The following TANGO6 variants were observed in gnomAD, a reference collection of about 807,000 sequenced individuals.
TANGO6 encodes the protein transport and Golgi organization protein 6 homolog.
A neutral mutation model predicts 114.2 loss-of-function variants in TANGO6; 90 were observed. The observed-to-expected ratio is 0.79, with a 90% CI of 0.66 to 0.94. TANGO6 has a LOEUF of 0.94. TANGO6 is among the 40% of genes least tolerant of loss of function. The pLI is 0.00. For missense variants in TANGO6, 1,274 were observed against 1,315.3 expected, an observed-to-expected ratio of 0.97 and a Z score of 0.49; for synonymous variants, 477 against 509.8, an observed-to-expected ratio of 0.94 and a Z score of 0.87.
At chr16:68,906,975 A>G (rs1181248283) in intron 9 of TANGO6, among the ~76,000 whole-genome samples, 1 of 151,656 alleles carries the variant, frequency 6.6e-6, no homozygotes, top group Admixed American at 6.6e-5. Context: ...TGTATTTTTT[A>G]GTAGAGACGG....
In TANGO6 at chr16:68,926,322, C is replaced by T. The variant is rs147548815; in HGVS notation, c.2128-1246C>T. On this transcript the variant is annotated intron_variant, in intron 12 of 17. Coordinates refer to ENST00000261778, the MANE Select transcript of TANGO6 (RefSeq NM_024562.2). ...CAGCCTGGCCAACATGGTGAAACCC[C>T]GTTTCTACTAAACTATAAAAAATTA... Among the ~76,000 whole-genome samples, 1,408 of 151,674 alleles carry T rather than the reference C, an allele frequency of 9.3e-3. 20 individuals carry two copies. The highest frequency in any genetic ancestry group is 0.031 in the African/African-American group (1,291 of 41,406).
At chr16:69,065,353 C>T (rs962710285) in intron 17 of TANGO6, among the ~76,000 whole-genome samples, 4 of 152,200 alleles carry the variant, frequency 2.6e-5, no homozygotes, top group African/African-American at 9.7e-5. Context: ...GACTCCTGAG[C>T]TATCATCCCT....
rs866699047 is a variant in TANGO6 at position 68,915,000 on chromosome 16, C to T, written c.1993-4085C>T. Among the ~76,000 whole-genome samples the T allele has an allele frequency of 5.0e-5, 7 of 138,906 alleles. No homozygotes were observed. In the South Asian group the frequency reaches 6.9e-4, roughly 14 times the overall value. 91.1% of individuals were successfully genotyped at this position (138,906 alleles called of 152,430 possible). A position where few individuals can be genotyped will look rare whatever the true frequency, so the allele number is the denominator to read the frequency against. On this transcript the variant is annotated intron_variant, in intron 11 of 17. Transcript: ENST00000261778. ...ACACACACACACACACACACACACA[C>T]ATATAGATAGTGGAGGATGGGCGCA...
At position 69,076,087 on chromosome 16, in the gene TANGO6, TC is replaced by T. The variant is rs1473984583; in HGVS notation, c.3109-7397del. 2.8e-4 allele frequency among the ~76,000 whole-genome samples: 30 copies of T among 108,672 alleles called. No individual in the cohort carries two copies. In the South Asian group the frequency reaches 4.8e-3, roughly 17 times the overall value. The allele number at this position is 108,672 out of a possible 152,430, so 71.3% of individuals were successfully genotyped here. A position where few individuals can be genotyped will look rare whatever the true frequency, so the allele number is the denominator to read the frequency against. ...CTGAATTCAACATTTTTATTTCATTTCTTTTTTTTTTTTTTTTTTTTTGAGA... is the reference window on the plus strand; with the variant it reads ...CTGAATTCAACATTTTTATTTCATTTTTTTTTTTTTTTTTTTTTTTTGAGA... On this transcript the variant is annotated intron_variant, in intron 17 of 17. Coordinates refer to ENST00000261778, the MANE Select transcript of TANGO6 (RefSeq NM_024562.2).
At chr16:69,000,050 C>T (rs749284968) in intron 15 of TANGO6, among the ~76,000 whole-genome samples, 6 of 152,136 alleles carry the variant, frequency 3.9e-5, no homozygotes, top group East Asian at 1.9e-4. Context: ...GTCAAAGAGG[C>T]GATTCGCCAG....
At chr16:68,902,023 A>G (rs1333069663) in intron 8 of TANGO6, among the ~76,000 whole-genome samples, 1 of 151,638 alleles carries the variant, frequency 6.6e-6, no homozygotes, top group Admixed American at 6.6e-5. Flanking sequence ...TGCCTGATGC[A>G]AAGGCAGTAG....
At chr16:68,890,199 C>T (rs1167917334) in intron 7 of TANGO6, among the ~76,000 whole-genome samples, 1 of 152,214 alleles carries the variant, frequency 6.6e-6, no homozygotes, top group African/African-American at 2.4e-5. Context: ...TATTCCCACA[C>T]ATGTACATCC....
At chr16:68,963,359 C>T (rs914025142) in intron 14 of TANGO6, among the ~76,000 whole-genome samples, 3 of 152,122 alleles carry the variant, frequency 2.0e-5, no homozygotes, top group Admixed American at 6.6e-5. Flanking sequence ...TAAAGTGATC[C>T]GCCCACCTCG....
chr16:68,983,202 G>T (rs756277485), intron 15 of TANGO6, among the ~76,000 whole-genome samples: 3 of 151,966 alleles, frequency 2.0e-5, no homozygotes, highest in African/African-American at 4.8e-5. Flanking sequence ...AGTTTGGGTC[G>T]GAAATCCTTG....
intron 17 of TANGO6, among the ~76,000 whole-genome samples, chr16:69,055,785 C>A (rs1960023846): frequency 6.6e-6 from 1 of 152,190 alleles, no homozygotes; most frequent in African/African-American, 2.4e-5. Flanking sequence ...GCCTGTAATC[C>A]CAGCACTTTG....
At chr16:69,063,643 C>CAAAAAAAAAAAAAA (rs770332921) in intron 17 of TANGO6, among the ~76,000 whole-genome samples, 2 of 35,778 alleles carry the variant, frequency 5.6e-5, no homozygotes, top group Non-Finnish European at 1.1e-4. Context: ...ACTCCATCTC[C>CAAAAAAAAAAAAAA]AAAAAAAAAA....
chr16:68,939,761 A>G (rs1257971898), intron 14 of TANGO6, among the ~76,000 whole-genome samples: 1 of 152,210 alleles, frequency 6.6e-6, no homozygotes, highest in East Asian at 1.9e-4. Context: ...ACACACGTAC[A>G]TATTTTCAGA....
At chr16:69,001,755 C>T (rs899932079) in intron 15 of TANGO6, among the ~76,000 whole-genome samples, 6 of 152,300 alleles carry the variant, frequency 3.9e-5, no homozygotes, top group South Asian at 4.1e-4. Flanking sequence ...ACTGCAAAGA[C>T]GTTCCCCCGA....
intron 10 of TANGO6, 91 bp downstream of exon 10, chr16:68,907,666 C>A: frequency 7.1e-7 from 1 of 1,405,580 alleles, no homozygotes; most frequent in Non-Finnish European, 9.4e-7. Flanking sequence ...ATTTTAGGTC[C>A]TAAAATGTAG....
intron 14 of TANGO6, among the ~76,000 whole-genome samples, chr16:68,955,749 C>T (rs1478775855): frequency 6.6e-6 from 1 of 152,096 alleles, no homozygotes; most frequent in Non-Finnish European, 1.5e-5. Context: ...GCATATTTGT[C>T]AGGTAGATTA....
At chr16:69,052,320 G>C (rs1284051164) in intron 17 of TANGO6, among the ~76,000 whole-genome samples, 2 of 147,396 alleles carry the variant, frequency 1.4e-5, no homozygotes, top group African/African-American at 2.5e-5. Context: ...CCAAGCTGGA[G>C]TGTAGTGGCA....
At chr16:68,962,770 A>T (rs1963605819) in intron 14 of TANGO6, among the ~76,000 whole-genome samples, 1 of 151,668 alleles carries the variant, frequency 6.6e-6, no homozygotes, top group Non-Finnish European at 1.5e-5. Flanking sequence ...TCAAAAAAAT[A>T]ATAATAATAA....
chr16:69,046,376 G>A (rs1318836816), intron 17 of TANGO6, among the ~76,000 whole-genome samples: 2 of 151,198 alleles, frequency 1.3e-5, no homozygotes, highest in Admixed American at 6.6e-5. Context: ...CTGGAGTGCA[G>A]TGGCACGATC....
intron 14 of TANGO6, among the ~76,000 whole-genome samples, chr16:68,957,065 C>T (rs1467815750): frequency 3.9e-5 from 6 of 151,998 alleles, no homozygotes; most frequent in African/African-American, 4.8e-5. Flanking sequence ...TCCTAGACCT[C>T]GAAGAATCCT....
Sources: allele counts gnomAD v4.1 joint callset (sites outside exome capture counted in the v4.1 genomes callset), GRCh38; gene constraint gnomAD v4.1.1; transcripts MANE v1.5; gene names NCBI Gene and HGNC (gene_info 2026-07-23, HGNC 2026-07-21).